MCU: variants seen among roughly 807,000 people sequenced by gnomAD.
MCU encodes calcium uniporter protein, mitochondrial.
In MCU, 12 loss-of-function variants were observed where a neutral mutation model predicts 45.2. That is an observed-to-expected ratio of 0.27 (90% CI 0.17 to 0.43). The LOEUF is 0.43. Ranked by LOEUF, MCU falls within the 20% of genes least tolerant of loss-of-function variation. The pLI is 1.00. For synonymous variants in MCU, 160 were observed against 165.1 expected (o/e 0.97, Z 0.24); for missense variants, 324 against 436.7 (o/e 0.74, Z 2.30).
At chr10:72,846,331 C>T (rs542344955) in intron 2 of MCU, among the ~76,000 whole-genome samples, 1 of 152,356 alleles carries the variant, frequency 6.6e-6, no homozygotes, top group East Asian at 1.9e-4. Flanking sequence ...GTGTGAGCCA[C>T]TGCACGCGGC....
chr10:72,783,068 A>G (rs1844019387), intron 1 of MCU, among the ~76,000 whole-genome samples: 1 of 152,260 alleles, frequency 6.6e-6, no homozygotes. Context: ...TGTTTGAAGT[A>G]TTTGTGGAAT....
chr10:72,800,063 C>T (rs1844315172), intron 1 of MCU, among the ~76,000 whole-genome samples: 1 of 152,154 alleles, frequency 6.6e-6, no homozygotes, highest in Admixed American at 6.5e-5. Context: ...CATTTCACAC[C>T]TGACCTCATG....
chr10:72,826,347 A>G (rs185051523), intron 1 of MCU, among the ~76,000 whole-genome samples: 110 of 152,356 alleles, frequency 7.2e-4, no homozygotes, highest in Non-Finnish European at 3.8e-4. Flanking sequence ...TCTATAAGGA[A>G]TAGACACAAA....
chr10:72,833,097 A>G (rs754870051), intron 1 of MCU, among the ~76,000 whole-genome samples: 11 of 152,334 alleles, frequency 7.2e-5, no homozygotes, highest in Middle Eastern at 6.8e-3. Flanking sequence ...AGTTAAAACA[A>G]TGTGGCTACT....
intron 2 of MCU, among the ~76,000 whole-genome samples, chr10:72,851,975 C>T (rs891201670): frequency 6.6e-6 from 1 of 152,036 alleles, no homozygotes; most frequent in Non-Finnish European, 1.5e-5. Context: ...AATTTTCTCA[C>T]TTTTATAATT....
At chr10:72,847,138 AT>A (rs1845135201) in intron 2 of MCU, among the ~76,000 whole-genome samples, 1 of 152,096 alleles carries the variant, frequency 6.6e-6, no homozygotes, top group African/African-American at 2.4e-5. Context: ...TGCCCAGCTA[AT>A]TTTTTGCACT....
intron 1 of MCU, among the ~76,000 whole-genome samples, chr10:72,717,404 G>A (rs958953214): frequency 1.3e-5 from 2 of 151,776 alleles, no homozygotes; most frequent in African/African-American, 4.8e-5. Context: ...GGTTATAGGC[G>A]CCCGCCACCA....
intron 6 of MCU, among the ~76,000 whole-genome samples, chr10:72,883,917 TAAG>T (rs1379113791): frequency 1.3e-5 from 2 of 152,008 alleles, no homozygotes; most frequent in African/African-American, 4.8e-5. Flanking sequence ...ATAAAGAAAA[TAAG>T]AAAACAATTA....
At chr10:72,710,986 T>G (rs951406595) in intron 1 of MCU, among the ~76,000 whole-genome samples, 1 of 152,060 alleles carries the variant, frequency 6.6e-6, no homozygotes, top group African/African-American at 2.4e-5. Context: ...AAGACCAGCC[T>G]GGCCAACATC....
At chr10:72,709,262 T>G (rs530728567) in intron 1 of MCU, among the ~76,000 whole-genome samples, 1 of 152,338 alleles carries the variant, frequency 6.6e-6, no homozygotes, top group African/African-American at 2.4e-5. Flanking sequence ...AGAATTCTGA[T>G]AGCTGCCGTG....
At chr10:72,833,984 TAACCGG>T in intron 1 of MCU, among the ~76,000 whole-genome samples, 1 of 152,302 alleles carries the variant, frequency 6.6e-6, no homozygotes, top group Non-Finnish European at 1.5e-5. Flanking sequence ...ATCTGAAAGG[TAACCGG>T]AGGAAGAAAA....
chr10:72,834,148 T>C (rs892468676), intron 1 of MCU, among the ~76,000 whole-genome samples: 12 of 152,338 alleles, frequency 7.9e-5, no homozygotes, highest in African/African-American at 2.6e-4. Flanking sequence ...TTTGCATAAA[T>C]CTTGAAAACA....
intron 1 of MCU, among the ~76,000 whole-genome samples, chr10:72,774,418 C>T (rs976633558): frequency 6.6e-6 from 1 of 151,960 alleles, no homozygotes; most frequent in South Asian, 2.1e-4. Flanking sequence ...AATAGACTTA[C>T]TAAAAACACA....
intron 1 of MCU, among the ~76,000 whole-genome samples, chr10:72,780,551 T>TGTGTGTGTGTGTGG (rs1554823562): frequency 1.4e-5 from 2 of 143,932 alleles, no homozygotes; most frequent in African/African-American, 2.6e-5. Context: ...TGTGTGTGTG[T>TGTGTGTGTGTGTGG]TGGGTGAATT....
intron 1 of MCU, among the ~76,000 whole-genome samples, chr10:72,714,152 C>T (rs960522900): frequency 1.3e-5 from 2 of 150,546 alleles, no homozygotes; most frequent in African/African-American, 4.9e-5. Context: ...TTTTTAGTAG[C>T]GATGGGGTTT....
intron 1 of MCU, among the ~76,000 whole-genome samples, chr10:72,822,102 C>T (rs571698152): frequency 1.0e-3 from 154 of 152,140 alleles, no homozygotes; most frequent in African/African-American, 3.5e-3. Flanking sequence ...ATGGTGAAAC[C>T]CCATGTCTAC....
At chr10:72,835,313 A>G (rs928167862) in intron 2 of MCU, among the ~76,000 whole-genome samples, 1 of 152,104 alleles carries the variant, frequency 6.6e-6, no homozygotes, top group Non-Finnish European at 1.5e-5. Flanking sequence ...TCTTATTGTC[A>G]TTTCTCTTAC....
At chr10:72,756,370 C>G (rs1330050897) in intron 1 of MCU, 1 of 152,156 alleles carries the variant, frequency 6.6e-6, no homozygotes, top group Non-Finnish European at 1.5e-5. Context: ...TGTTATCAAT[C>G]TATGTTTGGA....
intron 1 of MCU, among the ~76,000 whole-genome samples, chr10:72,714,787 G>GCCC (rs60307111): frequency 1.5e-4 from 22 of 150,862 alleles, no homozygotes; most frequent in African/African-American, 5.4e-4. Flanking sequence ...CAGGTGATCT[G>GCCC]CCCCCCCCTT....
Sources: gnomAD v4.1 joint callset for allele counts (sites outside exome capture counted in the v4.1 genomes callset) on GRCh38, gnomAD v4.1.1 for gene constraint, MANE v1.5 for transcripts, NCBI Gene and HGNC (gene_info 2026-07-23, HGNC 2026-07-21) for gene names.